Variants in PDE7B observed in about 807,000 individuals in gnomAD.
PDE7B encodes 3',5'-cyclic-AMP phosphodiesterase 7B.
Under a neutral mutation model 56.2 loss-of-function variants are expected in PDE7B, and 29 were observed. That is an observed-to-expected ratio of 0.52 (90% confidence interval 0.38 to 0.70). The LOEUF (loss-of-function observed/expected upper bound fraction) is 0.70, where lower values mean the gene tolerates loss of function less well. Ranked by LOEUF, PDE7B falls within the 30% of genes least tolerant of loss-of-function variation. The probability of loss-of-function intolerance (pLI) is 0.00; values close to 1 mark genes in which losing one functional copy is unlikely to be tolerated. For missense variants in PDE7B, 490 were observed against 565.0 expected (o/e 0.87, Z 1.35); for synonymous variants, 197 against 196.9 (o/e 1.00, Z 0.00).
At chr6:135,912,917 C>T (rs2128194054) in intron 1 of PDE7B, among the ~76,000 whole-genome samples, 1 of 152,244 alleles carries the variant, frequency 6.6e-6, no homozygotes, top group Admixed American at 6.5e-5. Flanking sequence ...GGGGATCAAC[C>T]ATCCTGTCTG....
chr6:136,178,712 A>G (rs1029994278), intron 9 of PDE7B, among the ~76,000 whole-genome samples: 16 of 152,100 alleles, frequency 1.1e-4, no homozygotes, highest in African/African-American at 3.6e-4. Flanking sequence ...ATGCATTTCT[A>G]TTTGGCTTTC....
At chr6:136,091,586 A>C (rs1777386356) in intron 2 of PDE7B, among the ~76,000 whole-genome samples, 1 of 152,240 alleles carries the variant, frequency 6.6e-6, no homozygotes, top group South Asian at 2.1e-4. Context: ...GATTCTCTGA[A>C]CATTGATTCT....
In PDE7B at chr6:135,889,570, A is replaced by T. The variant is rs556762632; in HGVS notation, c.21+37551A>T. Among the ~76,000 whole-genome samples the T allele has an allele frequency of 1.6e-3, 240 of 147,686 alleles. 1 individual carries two copies. The highest frequency in any genetic ancestry group is 2.9e-3 in the Non-Finnish European group (197 of 67,462). On this transcript the variant is annotated intron_variant, in intron 1 of 12. Transcript: ENST00000308191. ...ATTCTCCTGCCTCAGCCTCCTGAGT[A>T]GTTGGGATTACAGGCGCCCACCACC...
chr6:135,928,493 A>ATATATATTTATT (rs1774237041), intron 1 of PDE7B, among the ~76,000 whole-genome samples: 3 of 102,430 alleles, frequency 2.9e-5, no homozygotes, highest in Non-Finnish European at 5.7e-5. Context: ...TTATTTATAT[A>ATATATATTTATT]TATATATTTA....
At chr6:135,981,551 C>A (rs1471674565) in intron 2 of PDE7B, among the ~76,000 whole-genome samples, 7 of 147,866 alleles carry the variant, frequency 4.7e-5, no homozygotes, top group African/African-American at 9.9e-5. Context: ...AAAAAAAAAA[C>A]CGAGACACAA....
At chr6:136,142,536 A>G (rs1173675370) in intron 3 of PDE7B, among the ~76,000 whole-genome samples, 2 of 151,326 alleles carry the variant, frequency 1.3e-5, no homozygotes, top group East Asian at 3.9e-4. Context: ...CGCTGATCTA[A>G]TGTTGACAGT....
rs182291037 is a variant in PDE7B, at chr6:136,152,189, T to C, written c.478+934T>C. 2.4e-3 allele frequency among the ~76,000 whole-genome samples: 359 copies of C among 152,202 alleles called. 2 individuals carry two copies. Among genetic ancestry groups the C allele is most frequent in the African/African-American group, 8.1e-3 (336 of 41,552 alleles). On this transcript the variant is annotated intron_variant, in intron 6 of 12. Transcript: ENST00000308191. ...GGGTCAAGTGTAGTTATGTTTATAATAAATTATATATAAAGAAAACCATCA... is the reference window on the plus strand; with the variant it reads ...GGGTCAAGTGTAGTTATGTTTATAACAAATTATATATAAAGAAAACCATCA...
intron 1 of PDE7B, among the ~76,000 whole-genome samples, chr6:135,890,661 A>C (rs1775794996): frequency 6.6e-6 from 1 of 152,214 alleles, no homozygotes. Flanking sequence ...GAATGTGGCA[A>C]GAGATCAAAA....
At chr6:135,892,382 A>C (rs1005741986) in intron 1 of PDE7B, among the ~76,000 whole-genome samples, 2 of 152,152 alleles carry the variant, frequency 1.3e-5, no homozygotes, top group African/African-American at 2.4e-5. Flanking sequence ...ATAAATCTTG[A>C]CTCACAGTAC....
chr6:136,117,468 T>C (rs1404913500), intron 3 of PDE7B, among the ~76,000 whole-genome samples: 3 of 152,366 alleles, frequency 2.0e-5, no homozygotes, highest in Non-Finnish European at 4.4e-5. Context: ...ATATCTTTTG[T>C]ATGTTTTCAA....
intron 3 of PDE7B, among the ~76,000 whole-genome samples, chr6:136,135,310 T>C (rs1486328988): frequency 6.6e-6 from 1 of 152,126 alleles, no homozygotes; most frequent in African/African-American, 2.4e-5. Context: ...TTTTTCCTCT[T>C]TTTGGTGGTT....
chr6:135,961,310 T>A (rs1176801196), intron 2 of PDE7B, among the ~76,000 whole-genome samples: 1 of 148,476 alleles, frequency 6.7e-6, no homozygotes, highest in Non-Finnish European at 1.5e-5. Flanking sequence ...TGTGTGTGTG[T>A]GTGTAGTTCA....
chr6:136,153,982 T>A (rs572272693), intron 6 of PDE7B, 93 bp from the exon 7 acceptor site: 14 of 769,204 alleles, frequency 1.8e-5, no homozygotes, highest in African/African-American at 1.7e-4. Flanking sequence ...GAGGCACTGA[T>A]ATTTTTAAGC....
intron 2 of PDE7B, among the ~76,000 whole-genome samples, chr6:136,047,714 A>G (rs1461634420): frequency 6.6e-6 from 1 of 152,224 alleles, no homozygotes; most frequent in African/African-American, 2.4e-5. Context: ...AAATAGAAGA[A>G]ATTGAGACTT....
chr6:135,953,842 A>G (rs1355625359), intron 2 of PDE7B, among the ~76,000 whole-genome samples: 1 of 152,202 alleles, frequency 6.6e-6, no homozygotes, highest in African/African-American at 2.4e-5. Context: ...GTTGAAAGAC[A>G]GACGTTTTCA....
At chr6:135,966,878 T>C (rs1775004922) in intron 2 of PDE7B, among the ~76,000 whole-genome samples, 1 of 152,302 alleles carries the variant, frequency 6.6e-6, no homozygotes, top group South Asian at 2.1e-4. Context: ...CCAGCAATTA[T>C]TGAGCATCTA....
intron 2 of PDE7B, among the ~76,000 whole-genome samples, chr6:135,987,802 G>C (rs1034375367): frequency 6.6e-6 from 1 of 151,954 alleles, no homozygotes; most frequent in Non-Finnish European, 1.5e-5. Context: ...ATGAACATTT[G>C]CTGAAGAGGA....
intron 2 of PDE7B, among the ~76,000 whole-genome samples, chr6:136,020,119 A>G (rs1018169983): frequency 1.3e-5 from 2 of 152,166 alleles, no homozygotes; most frequent in African/African-American, 2.4e-5. Context: ...TACCCTCTTC[A>G]GTGTGTCTCT....
intron 12 of PDE7B, among the ~76,000 whole-genome samples, chr6:136,187,522 G>A (rs966035335): frequency 1.3e-5 from 2 of 152,122 alleles, no homozygotes; most frequent in East Asian, 1.9e-4. Context: ...CCTAATGCTC[G>A]CTCCCAAGAA....
Sources: allele counts gnomAD v4.1 joint callset (sites outside exome capture counted in the v4.1 genomes callset), GRCh38; gene constraint gnomAD v4.1.1; transcripts MANE v1.5; gene names NCBI Gene and HGNC (gene_info 2026-07-23, HGNC 2026-07-21).